The following KCNAB1 variants were observed in gnomAD, a reference collection of about 807,000 sequenced individuals.
KCNAB1 encodes potassium voltage-gated channel subfamily A regulatory beta subunit 1, also known as voltage-gated potassium channel subunit beta-1.
Under a neutral mutation model 64.6 loss-of-function variants are expected in KCNAB1, and 35 were observed. The observed-to-expected ratio is 0.54, with a 90% CI of 0.41 to 0.72. The LOEUF (loss-of-function observed/expected upper bound fraction) is 0.72, where lower values mean the gene tolerates loss of function less well. KCNAB1 is among the 30% of genes least tolerant of loss of function. KCNAB1 has a pLI of 0.00. For synonymous variants in KCNAB1, 177 were observed against 183.8 expected, an observed-to-expected ratio of 0.96 and a Z score of 0.30; for missense variants, 401 against 512.9, an observed-to-expected ratio of 0.78 and a Z score of 2.11.
At chr3:156,147,961 G>GACGCACGCA (rs1553808788) in intron 1 of KCNAB1, among the ~76,000 whole-genome samples, 1 of 150,446 alleles carries the variant, frequency 6.6e-6, no homozygotes, top group Non-Finnish European at 1.5e-5. Context: ...ACACACACAC[G>GACGCACGCA]CACGCACACG....
chr3:156,143,569 G>GTTTTTTGGTTTTTTTTTTTTTTTTTTTTT (rs1553807969), intron 1 of KCNAB1: 4 of 281,598 alleles, frequency 1.4e-5, no homozygotes, highest in Admixed American at 4.8e-5. Flanking sequence ...TTGCATTCTT[G>GTTTTTTGGTTTTTTTTTTTTTTTTTTTTT]TTTTTTTTTT....
At chr3:156,170,845 T>C (rs1370559915) in intron 1 of KCNAB1, among the ~76,000 whole-genome samples, 1 of 152,196 alleles carries the variant, frequency 6.6e-6, no homozygotes, top group Non-Finnish European at 1.5e-5. Flanking sequence ...TGGCCAAATT[T>C]ATGTGGTGTG....
chr3:156,442,553 A>T (rs1404739292), intron 2 of KCNAB1, among the ~76,000 whole-genome samples: 1 of 152,222 alleles, frequency 6.6e-6, no homozygotes, highest in Admixed American at 6.5e-5. Context: ...AAATACCTGT[A>T]CATCTCTATA....
At chr3:156,467,075 A>G (rs1475562883) in intron 7 of KCNAB1, among the ~76,000 whole-genome samples, 1 of 152,126 alleles carries the variant, frequency 6.6e-6, no homozygotes, top group Non-Finnish European at 1.5e-5. Context: ...AAATATGCTT[A>G]AAACACTTAC....
At chr3:156,218,966 T>C (rs1715519496) in intron 1 of KCNAB1, among the ~76,000 whole-genome samples, 1 of 151,886 alleles carries the variant, frequency 6.6e-6, no homozygotes, top group Non-Finnish European at 1.5e-5. Flanking sequence ...ACAGCAGCCC[T>C]TGATCTCAGG....
intron 1 of KCNAB1, among the ~76,000 whole-genome samples, chr3:156,365,462 C>T (rs1725889723): frequency 6.6e-6 from 1 of 152,320 alleles, no homozygotes; most frequent in Middle Eastern, 3.4e-3. Flanking sequence ...AGAATGTTAA[C>T]ATTAATAAGG....
chr3:156,145,202 A>T (rs566810606), intron 1 of KCNAB1, among the ~76,000 whole-genome samples: 34 of 152,240 alleles, frequency 2.2e-4, no homozygotes, highest in African/African-American at 7.9e-4. Context: ...GACTTAGGAG[A>T]ATGTTGCCCC....
Position 156,516,272 on chromosome 3 carries a change from G to A in KCNAB1, c.868G>A (p.Val290Ile), listed in dbSNP as rs1312324843. 1.2e-6 allele frequency: 2 copies of A among 1,613,028 alleles called. No individual in the cohort carries two copies. The highest frequency in any genetic ancestry group is 1.7e-5 in the Admixed American group (1 of 60,022). ...QLPELYHKIGVGAMTWSPLAC... is the reference protein window; with the variant it reads ...QLPELYHKIGIGAMTWSPLAC... ...TTTCTAAGTTTTTTCTTCTGTAGGT[G>A]TTGGCGCAATGACATGGTCTCCACT... is the stretch of plus-strand genomic sequence containing the variant. Residue 290 changes from valine (V) to isoleucine (I), a missense_variant and splice_region_variant, in exon 11 of 14, where the codon GTT becomes ATT. Val to Ile is a conservative substitution (Grantham distance 29, BLOSUM62 3). Coordinates refer to ENST00000490337, the MANE Select transcript of KCNAB1 (RefSeq NM_172160.3).
chr3:156,179,000 CAAAAAAAAAAA>C (rs200144513), intron 1 of KCNAB1, among the ~76,000 whole-genome samples: 58,255 of 108,506 alleles, frequency 0.54, 13,868 homozygotes, highest in East Asian at 0.75. Flanking sequence ...GACTCCGTCT[CAAAAAAAAAAA>C]AAAAAAAAAA....
Position 156,395,273 on chromosome 3 carries a change from C to T in KCNAB1, c.276-26343C>T, listed in dbSNP as rs541384042. On this transcript the variant is annotated intron_variant, in intron 1 of 13. Coordinates refer to ENST00000490337, the MANE Select transcript of KCNAB1 (RefSeq NM_172160.3). ...AATCAGACATTGTTAGGGCCGGGCG[C>T]GGTGGCTCACGCCTGTAATCCCAGC... Among the ~76,000 whole-genome samples the T allele has an allele frequency of 8.4e-4, 128 of 152,050 alleles. 1 individual carries two copies. The highest frequency in any genetic ancestry group is 1.4e-3 in the Non-Finnish European group (98 of 67,992).
chr3:156,334,940 C>A (rs1481679566), intron 1 of KCNAB1, among the ~76,000 whole-genome samples: 1 of 152,224 alleles, frequency 6.6e-6, no homozygotes, highest in Non-Finnish European at 1.5e-5. Context: ...CATCATTGCA[C>A]TGGTTCCCTG....
At chr3:156,455,537 T>C (rs559913192) in intron 3 of KCNAB1, among the ~76,000 whole-genome samples, 9 of 151,716 alleles carry the variant, frequency 5.9e-5, no homozygotes, top group South Asian at 2.1e-4. Flanking sequence ...TAACATCTTA[T>C]AGCACTTAAT....
intron 1 of KCNAB1, among the ~76,000 whole-genome samples, chr3:156,325,494 A>AAATTAAGT (rs1417375124): frequency 6.6e-6 from 1 of 152,120 alleles, no homozygotes; most frequent in African/African-American, 2.4e-5. Context: ...AAAGATTTAA[A>AAATTAAGT]AATTAAGTAA....
chr3:156,246,542 G>T (rs1303702208), intron 1 of KCNAB1, among the ~76,000 whole-genome samples: 2 of 150,254 alleles, frequency 1.3e-5, no homozygotes, highest in African/African-American at 2.5e-5. Flanking sequence ...GGCAGAGGTT[G>T]CAGTGAGCCA....
In KCNAB1 at chr3:156,484,632, C is replaced by G. The variant is rs78769304; in HGVS notation, c.658+9812C>G. On this transcript the variant is annotated intron_variant, in intron 8 of 13. Coordinates refer to ENST00000490337, the MANE Select transcript of KCNAB1 (RefSeq NM_172160.3). Reference sequence around the variant, plus strand: ...CAGATCTGCAGTGACATGCAGAGGACTTGGAGACTAACATGACTTAGCAGC... The same window carrying G: ...CAGATCTGCAGTGACATGCAGAGGAGTTGGAGACTAACATGACTTAGCAGC... Among the ~76,000 whole-genome samples the G allele has an allele frequency of 3.9e-3, 586 of 152,004 alleles. 8 individuals carry two copies. The East Asian group carries it at 0.042, about 11-fold the overall frequency.
chr3:156,172,010 A>G (rs1389108679), intron 1 of KCNAB1, among the ~76,000 whole-genome samples: 1 of 152,202 alleles, frequency 6.6e-6, no homozygotes, highest in Non-Finnish European at 1.5e-5. Context: ...TTCTAAATGC[A>G]TTTCAACTGC....
chr3:156,398,408 T>C (rs968086706), intron 1 of KCNAB1, among the ~76,000 whole-genome samples: 6 of 152,100 alleles, frequency 3.9e-5, no homozygotes, highest in African/African-American at 1.4e-4. Flanking sequence ...CTGGCTAACA[T>C]GGCGAAACCC....
chr3:156,477,076 A>G (rs1162580010), intron 8 of KCNAB1, among the ~76,000 whole-genome samples: 2 of 152,220 alleles, frequency 1.3e-5, no homozygotes, highest in Non-Finnish European at 1.5e-5. Context: ...TTTATAGAAG[A>G]AGGAGGAAAT....
chr3:156,367,103 C>T (rs1429830299), intron 1 of KCNAB1, among the ~76,000 whole-genome samples: 2 of 151,644 alleles, frequency 1.3e-5, no homozygotes, highest in African/African-American at 2.4e-5. Context: ...TCATAAAAGT[C>T]CTTTGCATGA....
Sources: allele counts gnomAD v4.1 joint callset (sites outside exome capture counted in the v4.1 genomes callset), GRCh38; gene constraint gnomAD v4.1.1; transcripts MANE v1.5; gene names NCBI Gene and HGNC (gene_info 2026-07-23, HGNC 2026-07-21).